The following SYTL5 variants were observed in gnomAD, a reference collection of about 807,000 sequenced individuals.
SYTL5 encodes synaptotagmin-like protein 5.
A neutral mutation model predicts 55.9 loss-of-function variants in SYTL5; 34 were observed. The ratio of observed to expected loss-of-function variants is 0.61; its 90% confidence interval spans 0.46 to 0.81. The LOEUF (loss-of-function observed/expected upper bound fraction) is 0.81, where lower values mean the gene tolerates loss of function less well. SYTL5 is among the 30% of genes least tolerant of loss of function. The pLI, the probability that SYTL5 is intolerant of heterozygous loss-of-function variation, is 0.00. For synonymous variants in SYTL5, 221 were observed against 188.7 expected, an observed-to-expected ratio of 1.17 and a Z score of -1.40; for missense variants, 637 against 546.7, an observed-to-expected ratio of 1.17 and a Z score of -1.65.
the SYTL5 span, among the ~76,000 whole-genome samples, chrX:37,963,268 A>ATTTTGT: frequency 1.0e-5 from 1 of 100,311 alleles, no homozygotes; most frequent in South Asian, 4.3e-4. Context: ...TTGTATGTTG[A>ATTTTGT]TTTTGTTTTT....
the SYTL5 span, among the ~76,000 whole-genome samples, chrX:37,933,375 C>A: frequency 2.7e-5 from 3 of 111,264 alleles, no homozygotes; most frequent in Non-Finnish European, 5.7e-5. Flanking sequence ...CCCATGGTAG[C>A]CTTAAAAAAA....
chrX:38,099,695 G>T (rs774009624), intron 9 of SYTL5, among the ~76,000 whole-genome samples: 13 of 111,175 alleles, frequency 1.2e-4, no homozygotes, highest in Non-Finnish European at 2.3e-4. Flanking sequence ...TCAATGTTGG[G>T]TATAATGTTA....
At chrX:37,937,954 A>G in the SYTL5 span, among the ~76,000 whole-genome samples, 2 of 112,558 alleles carry the variant, frequency 1.8e-5, no homozygotes, top group African/African-American at 3.2e-5. Context: ...ATTATGTTTC[A>G]TTATGGAAGG....
At chrX:37,942,623 G>T in the SYTL5 span, among the ~76,000 whole-genome samples, 1 of 111,380 alleles carries the variant, frequency 9.0e-6, no homozygotes, top group Admixed American at 9.6e-5. Flanking sequence ...TTCTCTATCC[G>T]TTCTGGGCTC....
intron 1 of SYTL5, among the ~76,000 whole-genome samples, chrX:38,025,347 C>G (rs753036103): frequency 3.6e-5 from 4 of 112,209 alleles, no homozygotes; most frequent in Non-Finnish European, 5.6e-5. Flanking sequence ...CAGATATACC[C>G]TTTCCTTTGA....
intron 2 of SYTL5, among the ~76,000 whole-genome samples, chrX:38,051,345 T>G (rs1884693): frequency 0.35 from 38,442 of 109,940 alleles, 7,230 homozygotes; most frequent in African/African-American, 0.71. Flanking sequence ...AAAAGAGTAT[T>G]GACTAATGAT....
At chrX:37,997,301 G>A in the SYTL5 span, among the ~76,000 whole-genome samples, 41 of 112,215 alleles carry the variant, frequency 3.7e-4, no homozygotes, top group South Asian at 1.1e-3. Context: ...GTAGCTCCCC[G>A]GTTGCAGCCG....
the SYTL5 span, among the ~76,000 whole-genome samples, chrX:37,941,219 G>A: frequency 9.0e-6 from 1 of 111,685 alleles, no homozygotes; most frequent in African/African-American, 3.3e-5. Context: ...ATGCTTACTG[G>A]ATTCATTGCA....
At chrX:37,931,473 C>T in the SYTL5 span, among the ~76,000 whole-genome samples, 3 of 111,761 alleles carry the variant, frequency 2.7e-5, no homozygotes, top group African/African-American at 9.7e-5. Context: ...TTCTAAAAGG[C>T]TTTCCCTGAC....
the SYTL5 span, among the ~76,000 whole-genome samples, chrX:37,967,553 A>G: frequency 9.2e-6 from 1 of 109,174 alleles, no homozygotes; most frequent in African/African-American, 3.3e-5. Context: ...CGTTCATCTT[A>G]TTTGGCATTT....
At chrX:37,958,288 C>T in the SYTL5 span, among the ~76,000 whole-genome samples, 2 of 110,727 alleles carry the variant, frequency 1.8e-5, no homozygotes, top group Admixed American at 9.6e-5. Context: ...GTTAGGAAGT[C>T]TGAGAGCATG....
At chrX:37,954,041 G>C in the SYTL5 span, among the ~76,000 whole-genome samples, 1 of 110,372 alleles carries the variant, frequency 9.1e-6, no homozygotes, top group African/African-American at 3.3e-5. Context: ...GAGCAAGTCT[G>C]AGGAGATGAG....
the SYTL5 span, among the ~76,000 whole-genome samples, chrX:37,920,530 AG>A: frequency 9.0e-6 from 1 of 111,197 alleles, no homozygotes; most frequent in African/African-American, 3.3e-5. Flanking sequence ...CCATGCCTAG[AG>A]GACCTCCCTG....
At chrX:37,967,818 GT>G in the SYTL5 span, among the ~76,000 whole-genome samples, 1 of 108,250 alleles carries the variant, frequency 9.2e-6, no homozygotes, top group Non-Finnish European at 1.9e-5. Flanking sequence ...CTGATCCTTT[GT>G]CACGCTCCTG....
At chrX:37,948,140 T>C in the SYTL5 span, among the ~76,000 whole-genome samples, 1 of 110,985 alleles carries the variant, frequency 9.0e-6, no homozygotes, top group Admixed American at 9.7e-5. Flanking sequence ...TTTCTTACAC[T>C]TATTTCATTT....
the SYTL5 span, among the ~76,000 whole-genome samples, chrX:37,969,129 T>C: frequency 2.7e-5 from 3 of 111,512 alleles, no homozygotes; most frequent in Non-Finnish European, 5.6e-5. Context: ...AATAGATCTT[T>C]AAGCAAAAAA....
chrX:38,057,702 A>G (rs58057006), intron 3 of SYTL5, among the ~76,000 whole-genome samples: 25,255 of 110,995 alleles, frequency 0.23, 2,687 homozygotes, highest in African/African-American at 0.39. Context: ...TCTCACATAA[A>G]TAAATTTTTC....
chrX:37,917,111 A>G, the SYTL5 span, among the ~76,000 whole-genome samples: 4 of 111,284 alleles, frequency 3.6e-5, no homozygotes, highest in African/African-American at 6.5e-5. Context: ...TTCTCATAAC[A>G]TCATATAAAG....
chrX:37,995,078 G>A, the SYTL5 span, among the ~76,000 whole-genome samples: 7 of 110,055 alleles, frequency 6.4e-5, no homozygotes, highest in East Asian at 2.9e-4. Context: ...TGAGGGTGCC[G>A]GCCCTGTGGG....
Sources: gnomAD v4.1 joint callset for allele counts (sites outside exome capture counted in the v4.1 genomes callset) on GRCh38, gnomAD v4.1.1 for gene constraint, MANE v1.5 for transcripts, NCBI Gene and HGNC (gene_info 2026-07-23, HGNC 2026-07-21) for gene names.